SCAPER: variants seen among roughly 807,000 people sequenced by gnomAD.
SCAPER encodes S phase cyclin A-associated protein in the endoplasmic reticulum.
Under a neutral mutation model 182.2 loss-of-function variants are expected in SCAPER, and 98 were observed. That is an observed-to-expected ratio of 0.54 (90% CI 0.46 to 0.64). The LOEUF is 0.64. SCAPER is among the 30% of genes least tolerant of loss of function. The probability of loss-of-function intolerance (pLI) is 0.00; values close to 1 mark genes in which losing one functional copy is unlikely to be tolerated. For missense variants in SCAPER, 1,432 were observed against 1,690.0 expected (o/e 0.85, Z 2.68); for synonymous variants, 605 against 564.6 (o/e 1.07, Z -1.01).
chr15:76,855,457 CAAAAAAA>C lies in SCAPER; in HGVS notation c.195+2345_195+2351del, dbSNP rs34226154. Among the ~76,000 whole-genome samples the C allele has an allele frequency of 2.3e-3, 273 of 116,296 alleles. 2 individuals carry two copies. Among genetic ancestry groups the C allele is most frequent in the Admixed American group, 0.013 (158 of 11,750 alleles). The allele number at this position is 116,296 out of a possible 152,430, so 76.3% of individuals were successfully genotyped here. ...ATTAAACTTAAGAGCTTCTGCACAG[CAAAAAAA>C]AAAAAAAAAAAAAAGTAAACAACTT... On this transcript the variant is annotated intron_variant, in intron 4 of 31. Transcript: ENST00000563290.
chr15:76,786,091 G>T (rs537915717), intron 8 of SCAPER, among the ~76,000 whole-genome samples: 2 of 152,124 alleles, frequency 1.3e-5, no homozygotes, highest in African/African-American at 4.8e-5. Context: ...CACTTTGGGA[G>T]ACCTAGGTGG....
At chr15:76,536,336 A>G (rs2044157327) in intron 23 of SCAPER, among the ~76,000 whole-genome samples, 1 of 152,178 alleles carries the variant, frequency 6.6e-6, no homozygotes, top group African/African-American at 2.4e-5. Flanking sequence ...TTTAAAAAAA[A>G]CACCCAGTAT....
intron 27 of SCAPER, among the ~76,000 whole-genome samples, chr15:76,399,497 C>T (rs1229380676): frequency 6.6e-6 from 1 of 152,168 alleles, no homozygotes; most frequent in Non-Finnish European, 1.5e-5. Context: ...GATTAAGAAT[C>T]ATTTGTTAAC....
In SCAPER at chr15:76,408,866, A is replaced by C. The variant is rs189042107; in HGVS notation, c.3312-4187T>G. On this transcript the variant is annotated intron_variant, in intron 26 of 31. Transcript: ENST00000563290. ...TCAAAACCATGTAGTCTCAAGATGA[A>C]AATGGCTTAGCTAGGTTTCCGGTAC... 3.9e-5 allele frequency among the ~76,000 whole-genome samples: 6 copies of C among 152,286 alleles called. No individual in the cohort carries two copies. In the East Asian group the frequency reaches 1.2e-3, roughly 29 times the overall value.
chr15:76,378,256 T>C (rs925648351), intron 28 of SCAPER, among the ~76,000 whole-genome samples: 1 of 149,480 alleles, frequency 6.7e-6, no homozygotes, highest in Admixed American at 6.6e-5. Context: ...AGACAATTTA[T>C]CTCAGTTTTT....
chr15:76,516,602 T>C (rs2042445580), intron 23 of SCAPER, among the ~76,000 whole-genome samples: 1 of 152,216 alleles, frequency 6.6e-6, no homozygotes, highest in Non-Finnish European at 1.5e-5. Flanking sequence ...ATTTTCTTTA[T>C]CCAGTCTATC....
rs572373433 is a variant in SCAPER at position 76,422,169 on chromosome 15, G to C, written c.3311+11909C>G. Among the ~76,000 whole-genome samples the C allele has an allele frequency of 3.0e-3, 450 of 152,278 alleles. 1 individual carries two copies. Among genetic ancestry groups the C allele is most frequent in the Non-Finnish European group, 4.9e-3 (331 of 68,028 alleles). ...AATTCTGTGAAGAAAGTCACTGGTA[G>C]CTTGATGGGGATGGCATTGAATCTA... On this transcript the variant is annotated intron_variant, in intron 26 of 31. Transcript: ENST00000563290.
intron 17 of SCAPER, among the ~76,000 whole-genome samples, chr15:76,720,820 T>C (rs1307741692): frequency 6.6e-6 from 1 of 152,196 alleles, no homozygotes; most frequent in Non-Finnish European, 1.5e-5. Context: ...AGATTCTGGA[T>C]ATTAGCCCTT....
intron 21 of SCAPER, among the ~76,000 whole-genome samples, chr15:76,640,605 C>T (rs1358746669): frequency 6.6e-6 from 1 of 152,114 alleles, no homozygotes; most frequent in Non-Finnish European, 1.5e-5. Flanking sequence ...ATAATTTGTG[C>T]TATTGGTTTA....
chr15:76,359,857 T>A (rs2041274272), intron 29 of SCAPER, among the ~76,000 whole-genome samples: 1 of 152,188 alleles, frequency 6.6e-6, no homozygotes, highest in Non-Finnish European at 1.5e-5. Flanking sequence ...TCAAAGTTAC[T>A]GGAATGAATG....
At chr15:76,716,742 A>C (rs1016616282) in intron 17 of SCAPER, among the ~76,000 whole-genome samples, 32 of 152,004 alleles carry the variant, frequency 2.1e-4, no homozygotes, top group African/African-American at 6.3e-4. Context: ...AATGACTCAG[A>C]AGAGAAGAAA....
At chr15:76,724,123 G>T (rs1010425606) in intron 17 of SCAPER, among the ~76,000 whole-genome samples, 3 of 147,654 alleles carry the variant, frequency 2.0e-5, no homozygotes, top group Non-Finnish European at 3.0e-5. Context: ...GCCTGGTAGT[G>T]ACAAAATCTC....
chr15:76,866,881 A>G lies in SCAPER; in HGVS notation c.7-4348T>C, dbSNP rs1389097434. ...TTTTCTCACAGGAGTCTTCAACAAA[A>G]TATGTGTATTTTCATCCAAAGTCAC... On this transcript the variant is annotated intron_variant, in intron 2 of 31. Coordinates refer to ENST00000563290, the MANE Select transcript of SCAPER (RefSeq NM_020843.4). 4.9e-4 allele frequency among the ~76,000 whole-genome samples: 75 copies of G among 152,132 alleles called. 1 individual carries two copies. Among genetic ancestry groups the G allele is most frequent in the Non-Finnish European group, 4.4e-5 (3 of 67,984 alleles).
At chr15:76,544,504 T>C (rs1278428636) in intron 23 of SCAPER, among the ~76,000 whole-genome samples, 2 of 152,208 alleles carry the variant, frequency 1.3e-5, no homozygotes, top group Non-Finnish European at 2.9e-5. Flanking sequence ...AGAATGCGGA[T>C]ACAAGCTATA....
At chr15:76,743,573 T>C (rs1733462113) in intron 15 of SCAPER, among the ~76,000 whole-genome samples, 1 of 151,656 alleles carries the variant, frequency 6.6e-6, no homozygotes, top group Non-Finnish European at 1.5e-5. Flanking sequence ...ATGGAATACC[T>C]AGGAAAATAC....
intron 24 of SCAPER, among the ~76,000 whole-genome samples, chr15:76,500,297 G>T (rs2040984483): frequency 6.6e-6 from 1 of 152,222 alleles, no homozygotes; most frequent in South Asian, 2.1e-4. Flanking sequence ...GAAGAAATAG[G>T]CACCTGGTTA....
intron 20 of SCAPER, among the ~76,000 whole-genome samples, chr15:76,687,550 T>A (rs1220788870): frequency 2.6e-5 from 4 of 152,106 alleles, no homozygotes; most frequent in Non-Finnish European, 4.4e-5. Context: ...CATCAACCCA[T>A]GATCTACATT....
At chr15:76,900,199 G>T (rs2074696232) in intron 1 of SCAPER, among the ~76,000 whole-genome samples, 1 of 152,004 alleles carries the variant, frequency 6.6e-6, no homozygotes, top group African/African-American at 2.4e-5. Context: ...ACACAAACAG[G>T]GCCGAAGGCC....
intron 8 of SCAPER, among the ~76,000 whole-genome samples, chr15:76,780,286 GTCTGAGA>G (rs1364018470): frequency 6.6e-6 from 1 of 152,262 alleles, no homozygotes; most frequent in Non-Finnish European, 1.5e-5. Context: ...TAGCGCAGCA[GTCTGAGA>G]TCCACCTGTG....
Sources: allele counts gnomAD v4.1 joint callset (sites outside exome capture counted in the v4.1 genomes callset), GRCh38; gene constraint gnomAD v4.1.1; transcripts MANE v1.5; gene names NCBI Gene and HGNC (gene_info 2026-07-23, HGNC 2026-07-21).